NSA2: variants seen among roughly 807,000 people sequenced by gnomAD.
NSA2 encodes the protein NSA2 ribosome biogenesis factor.
A neutral mutation model predicts 34.8 loss-of-function variants in NSA2; 18 were observed. The observed-to-expected ratio is 0.52, with a 90% CI of 0.36 to 0.77. The LOEUF is 0.77. Among genes scored for constraint, NSA2 ranks in the 30% least tolerant of loss-of-function variants. The probability of loss-of-function intolerance (pLI) is 0.00; values close to 1 mark genes in which losing one functional copy is unlikely to be tolerated. For synonymous variants in NSA2, 79 were observed against 100.2 expected (o/e 0.79, Z 1.26); for missense variants, 188 against 314.7 (o/e 0.60, Z 3.05).
intron 1 of NSA2, among the ~76,000 whole-genome samples, chr5:74,768,590 A>G (rs755674388): frequency 3.9e-5 from 6 of 152,262 alleles, no homozygotes; most frequent in Non-Finnish European, 7.3e-5. Flanking sequence ...TTATGCTTCA[A>G]TAAAACTGAC....
chr5:74,771,725 G>A (rs1299478628), intron 4 of NSA2: 1 of 151,664 alleles, frequency 6.6e-6, no homozygotes, highest in Non-Finnish European at 1.5e-5. Context: ...ATGGTGGCGG[G>A]CGCCTGTAGT....
In NSA2 at chr5:74,779,500, G is replaced by A. The variant is rs1365696085; in HGVS notation, c.*2829G>A. ...TTTTCAAATCTAAGAAATGAAACAT[G>A]TAAAGATTAAGAATTTACTGAATCT... On this transcript the variant is annotated 3_prime_UTR_variant, in exon 6 of 6. Coordinates refer to ENST00000610426, the MANE Select transcript of NSA2 (RefSeq NM_014886.6). The A allele has an allele frequency of 6.6e-6, 1 of 152,074 alleles. No homozygotes were observed. Among genetic ancestry groups the A allele is most frequent in the Admixed American group, 6.5e-5 (1 of 15,268 alleles). 9.4% of individuals were successfully genotyped at this position (152,074 alleles called of 1,614,324 possible).
chr5:74,769,319 T>A lies in NSA2; in HGVS notation c.297T>A (p.Ala99=). 6.2e-7 allele frequency: 1 copy of A among 1,613,264 alleles called. No individual in the cohort carries two copies. The highest frequency in any genetic ancestry group is 8.5e-7 in the Non-Finnish European group (1 of 1,179,756). Residue 99 remains alanine (A), a synonymous_variant, in exon 3 of 6, where the codon GCT becomes GCA. Transcript: ENST00000610426. ...YLLDREGQSR[A]KVLSNMIKQK... ...TGGACAGAGAGGGACAATCTCGAGC[T>A]AAAGTACTTTCCAATATGATTAAAC...
At position 74,776,942 on chromosome 5, in the gene NSA2, A is replaced by G. The variant is rs911909331; in HGVS notation, c.*271A>G. On this transcript the variant is annotated 3_prime_UTR_variant, in exon 6 of 6. Transcript: ENST00000610426. ...TGCATTTGTGAGTGGGTATTCAGCAATTTCCTGAAAAAACCACCAGTGTTC... is the reference window on the plus strand; with the variant it reads ...TGCATTTGTGAGTGGGTATTCAGCAGTTTCCTGAAAAAACCACCAGTGTTC... 3 of 246,948 alleles carry G rather than the reference A, an allele frequency of 1.2e-5. No individual in the cohort carries two copies. Among genetic ancestry groups the G allele is most frequent in the Non-Finnish European group, 2.3e-5 (3 of 129,638 alleles). The allele number at this position is 246,948 out of a possible 1,614,324, so 15.3% of individuals were successfully genotyped here.
In NSA2 at chr5:74,774,067, G is replaced by A; in HGVS notation, c.715+7G>A. On this transcript the variant is annotated splice_region_variant and intron_variant, in intron 5 of 5. Coordinates refer to ENST00000610426, the MANE Select transcript of NSA2 (RefSeq NM_014886.6). ...GGAGGCAAAGTTATTTGGGGTAAGT[G>A]AATTTTTGAATACAGGGCTGCTGTG... The A allele has an allele frequency of 6.3e-7, 1 of 1,598,818 alleles. No homozygotes were observed. The highest frequency in any genetic ancestry group is 1.1e-5 in the South Asian group (1 of 90,578).
intron 1 of NSA2, among the ~76,000 whole-genome samples, chr5:74,768,141 C>T (rs1744769405): frequency 6.6e-6 from 1 of 152,188 alleles, no homozygotes; most frequent in Non-Finnish European, 1.5e-5. Context: ...TGGCAGTAAA[C>T]ACACGTCCAC....
intron 5 of NSA2, among the ~76,000 whole-genome samples, chr5:74,775,467 A>G (rs1745079660): frequency 6.6e-6 from 1 of 151,398 alleles, no homozygotes; most frequent in Admixed American, 6.6e-5. Flanking sequence ...ATACAAAACA[A>G]TTAGCCAGGT....
rs1188931224 is a variant in NSA2 at position 74,780,036 on chromosome 5, G to C, written c.*3365G>C. On this transcript the variant is annotated 3_prime_UTR_variant, in exon 6 of 6. Transcript: ENST00000610426. ...TTTGAGTACACATAATATTTCCAAA[G>C]AGTAGAACTGTTTTTAGATTATCTT... 6.6e-6 allele frequency: 1 copy of C among 152,152 alleles called. No homozygotes were observed. Among genetic ancestry groups the C allele is most frequent in the Non-Finnish European group, 1.5e-5 (1 of 68,016 alleles). The allele number at this position is 152,152 out of a possible 1,614,324, so 9.4% of individuals were successfully genotyped here. A position where few individuals can be genotyped will look rare whatever the true frequency, so the allele number is the denominator to read the frequency against.
In NSA2 at chr5:74,767,382, A is replaced by C. The variant is rs758703907; in HGVS notation, c.3+19A>C. On this transcript the variant is annotated intron_variant, in intron 1 of 5. Transcript: ENST00000610426. ...CACCATGGTAAGGAGGATGCCTCGG[A>C]CGCTCGCGACACACAGCGTCTGAGT... is the stretch of plus-strand genomic sequence containing the variant. 3 of 1,612,350 alleles carry C rather than the reference A, an allele frequency of 1.9e-6. No homozygotes were observed. Among genetic ancestry groups the C allele is most frequent in the Non-Finnish European group, 2.5e-6 (3 of 1,179,586 alleles).
At chr5:74,773,810 A>G in intron 4 of NSA2, 58 bp from the exon 5 acceptor site, 1 of 1,377,470 alleles carries the variant, frequency 7.3e-7, no homozygotes, top group Non-Finnish European at 1.0e-6. Flanking sequence ...AACGACCACT[A>G]CTCATCACTG....
intron 4 of NSA2, chr5:74,771,727 G>T (rs1226557608): frequency 6.6e-6 from 1 of 151,458 alleles, no homozygotes; most frequent in Admixed American, 6.6e-5. Context: ...GGTGGCGGGC[G>T]CCTGTAGTCC....
chr5:74,774,342 T>C (rs1339814959), intron 5 of NSA2, among the ~76,000 whole-genome samples: 2 of 152,200 alleles, frequency 1.3e-5, no homozygotes, highest in Non-Finnish European at 2.9e-5. Flanking sequence ...AGCTCACGCA[T>C]GTAAATCCCA....
intron 1 of NSA2, among the ~76,000 whole-genome samples, chr5:74,768,177 T>A (rs948014304): frequency 6.6e-6 from 1 of 152,240 alleles, no homozygotes; most frequent in Admixed American, 6.5e-5. Context: ...CAGTTGTTTA[T>A]TGCAGATTTA....
chr5:74,775,390 C>T (rs768306252), intron 5 of NSA2, among the ~76,000 whole-genome samples: 10 of 151,482 alleles, frequency 6.6e-5, no homozygotes, highest in Non-Finnish European at 8.8e-5. Flanking sequence ...CCGAGGCAGG[C>T]GGTTCACTTG....
In NSA2 at chr5:74,779,645, G is replaced by T. The variant is rs1281955227; in HGVS notation, c.*2974G>T. The T allele has an allele frequency of 2.7e-5, 4 of 150,768 alleles. No homozygotes were observed. The East Asian group carries it at 7.8e-4, about 29-fold the overall frequency. The allele number at this position is 150,768 out of a possible 1,614,324, so 9.3% of individuals were successfully genotyped here. A position where few individuals can be genotyped will look rare whatever the true frequency, so the allele number is the denominator to read the frequency against. Reference sequence around the variant, plus strand: ...ACTTTTTTTTTTTTACTTAGTATTAGCATTTGTTGAAAAAATAAATGGCCA... The same window carrying T: ...ACTTTTTTTTTTTTACTTAGTATTATCATTTGTTGAAAAAATAAATGGCCA... On this transcript the variant is annotated 3_prime_UTR_variant, in exon 6 of 6. Coordinates refer to ENST00000610426, the MANE Select transcript of NSA2 (RefSeq NM_014886.6).
rs1335492263 is a variant in NSA2 at position 74,777,984 on chromosome 5, T to C, written c.*1313T>C. On this transcript the variant is annotated 3_prime_UTR_variant, in exon 6 of 6. Transcript: ENST00000610426. ...CACTTGATGACAGAAGGTAAGCCTT[T>C]CTTACAATTAGATTTTAGCAGATAA... The C allele has an allele frequency of 2.0e-5, 3 of 152,078 alleles. No individual in the cohort carries two copies. Among genetic ancestry groups the C allele is most frequent in the African/African-American group, 7.2e-5 (3 of 41,446 alleles). 9.4% of individuals were successfully genotyped at this position (152,078 alleles called of 1,614,324 possible). A position where few individuals can be genotyped will look rare whatever the true frequency, so the allele number is the denominator to read the frequency against.
intron 4 of NSA2, among the ~76,000 whole-genome samples, chr5:74,772,686 G>A (rs1744982727): frequency 6.6e-6 from 1 of 152,140 alleles, no homozygotes; most frequent in Non-Finnish European, 1.5e-5. Context: ...ATATATTTTG[G>A]TAGCCTTAAC....
At chr5:74,772,217 C>T (rs1744963756) in intron 4 of NSA2, among the ~76,000 whole-genome samples, 3 of 151,638 alleles carry the variant, frequency 2.0e-5, no homozygotes, top group Admixed American at 2.0e-4. Flanking sequence ...CTCCGCCTCC[C>T]GGGTTCTCGC....
intron 4 of NSA2, among the ~76,000 whole-genome samples, chr5:74,773,479 A>T (rs1167344202): frequency 4.6e-5 from 7 of 151,554 alleles, no homozygotes; most frequent in Non-Finnish European, 7.4e-5. Flanking sequence ...CCAAAAAAAA[A>T]AAAAAAAAAA....
Sources: allele counts gnomAD v4.1 joint callset (sites outside exome capture counted in the v4.1 genomes callset), GRCh38; gene constraint gnomAD v4.1.1; transcripts MANE v1.5; gene names NCBI Gene and HGNC (gene_info 2026-07-23, HGNC 2026-07-21).